LRRC36: variants seen among roughly 807,000 people sequenced by gnomAD.
The protein encoded by LRRC36 is leucine rich repeat containing 36, also known as leucine-rich repeat-containing protein 36.
In LRRC36, 62 loss-of-function variants were observed where a neutral mutation model predicts 81.1. The observed-to-expected ratio is 0.76, with a 90% CI of 0.62 to 0.94. The LOEUF (loss-of-function observed/expected upper bound fraction) is 0.94. Among genes scored for constraint, LRRC36 ranks in the 40% least tolerant of loss-of-function variants. The pLI is 0.00. For synonymous variants in LRRC36, 334 were observed against 348.6 expected, an observed-to-expected ratio of 0.96 and a Z score of 0.47; for missense variants, 761 against 881.7, an observed-to-expected ratio of 0.86 and a Z score of 1.73.
chr16:67,363,018 A>C (rs2039229168), intron 5 of LRRC36, among the ~76,000 whole-genome samples: 1 of 152,008 alleles, frequency 6.6e-6, no homozygotes, highest in Admixed American at 6.6e-5. Flanking sequence ...CCTAACCTCA[A>C]GTGATCTGCC....
In LRRC36 at chr16:67,371,106, C is replaced by G; in HGVS notation, c.1358C>G (p.Ser453Cys). 6.2e-7 allele frequency: 1 copy of G among 1,614,214 alleles called. No individual in the cohort carries two copies. Among genetic ancestry groups the G allele is most frequent in the South Asian group, 1.1e-5 (1 of 91,082 alleles). The part of the protein sequence containing the change: ...RTTPLRTLLL[S>C]PGTSEHRKIF... Reference sequence around the variant, plus strand: ...ACTCCTCTGCGGACACTGCTGTTGTCTCCTGGGACTTCAGAACACAGAAAG... The same window carrying G: ...ACTCCTCTGCGGACACTGCTGTTGTGTCCTGGGACTTCAGAACACAGAAAG... The change falls in exon 9 of 14, where the codon TCT becomes TGT. Residue 453 changes from serine to cysteine, a missense_variant. This residue lies in a region of LRRC36 where 359 missense variants were observed against 388.4 expected (regional missense o/e 0.92). Transcript: ENST00000329956.
intron 2 of LRRC36, among the ~76,000 whole-genome samples, chr16:67,345,445 G>C (rs976095395): frequency 6.6e-6 from 1 of 152,170 alleles, no homozygotes; most frequent in African/African-American, 2.4e-5. Flanking sequence ...GCAGGTTTCA[G>C]CAGAGGAAGA....
chr16:67,374,402 AT>A (rs563011737), intron 9 of LRRC36, among the ~76,000 whole-genome samples: 3 of 151,970 alleles, frequency 2.0e-5, no homozygotes, highest in Non-Finnish European at 2.9e-5. Context: ...GAAAATTTCT[AT>A]TATTATTTTG....
At chr16:67,340,700 T>C (rs1341592469) in intron 1 of LRRC36, among the ~76,000 whole-genome samples, 1 of 151,160 alleles carries the variant, frequency 6.6e-6, no homozygotes, top group Non-Finnish European at 1.5e-5. Flanking sequence ...ATCTACTTCT[T>C]CTCATATATG....
At chr16:67,340,143 A>G (rs1011285725) in intron 1 of LRRC36, among the ~76,000 whole-genome samples, 9 of 152,074 alleles carry the variant, frequency 5.9e-5, no homozygotes, top group Non-Finnish European at 1.3e-4. Flanking sequence ...ATTCCATCTC[A>G]ATAAATAAAT....
chr16:67,385,162 G>A lies in LRRC36; in HGVS notation c.*73G>A. ...TCACCGCCATTGCCACCAGTATGGTGGTATGTACTCACAAAGATTAAGAAA... is the reference window on the plus strand; with the variant it reads ...TCACCGCCATTGCCACCAGTATGGTAGTATGTACTCACAAAGATTAAGAAA... On this transcript the variant is annotated 3_prime_UTR_variant, in exon 14 of 14. Transcript: ENST00000329956. The A allele has an allele frequency of 9.2e-7, 1 of 1,082,168 alleles. No individual in the cohort carries two copies. The highest frequency in any genetic ancestry group is 1.4e-6 in the Non-Finnish European group (1 of 720,010). The allele number at this position is 1,082,168 out of a possible 1,614,324, so 67.0% of individuals were successfully genotyped here. A position where few individuals can be genotyped will look rare whatever the true frequency, so the allele number is the denominator to read the frequency against.
At chr16:67,363,462 C>T (rs977371833) in intron 5 of LRRC36, 128 bp from the exon 6 acceptor site, 2 of 799,576 alleles carry the variant, frequency 2.5e-6, no homozygotes, top group Admixed American at 2.8e-5. Context: ...TTCATGTGGT[C>T]TCCAAGTGGT....
chr16:67,343,047 A>G (rs1034338833), intron 2 of LRRC36, among the ~76,000 whole-genome samples: 2 of 152,236 alleles, frequency 1.3e-5, no homozygotes, highest in African/African-American at 4.8e-5. Flanking sequence ...TATTTGGCCT[A>G]TCAGTTTCAG....
chr16:67,378,543 A>G lies in LRRC36; in HGVS notation c.1807-46A>G, dbSNP rs759255387. 5.0e-6 allele frequency: 8 copies of G among 1,597,506 alleles called. No individual in the cohort carries two copies. The African/African-American group carries it at 9.4e-5, about 19-fold the overall frequency. On this transcript the variant is annotated intron_variant, in intron 11 of 13. Transcript: ENST00000329956. ...GCGTGAGCCACGGCACCCAGCCTAGAATGTCAGATTCTTAATGTATTTGTA... is the reference window on the plus strand; with the variant it reads ...GCGTGAGCCACGGCACCCAGCCTAGGATGTCAGATTCTTAATGTATTTGTA...
At chr16:67,363,544 G>A in intron 5 of LRRC36, 46 bp from the exon 6 acceptor site, 1 of 1,605,340 alleles carries the variant, frequency 6.2e-7, no homozygotes, top group Non-Finnish European at 8.5e-7. Flanking sequence ...TGCCTTTGAA[G>A]TCTGGTCAGT....
At chr16:67,361,267 A>G (rs961538406) in intron 5 of LRRC36, among the ~76,000 whole-genome samples, 3 of 152,104 alleles carry the variant, frequency 2.0e-5, no homozygotes, top group African/African-American at 7.2e-5. Context: ...CCTGGGCTCA[A>G]GTGATCCACC....
intron 5 of LRRC36, among the ~76,000 whole-genome samples, chr16:67,358,720 T>A (rs1267432106): frequency 6.6e-6 from 1 of 151,842 alleles, no homozygotes; most frequent in African/African-American, 2.4e-5. Flanking sequence ...AAAAAAAATG[T>A]GGGCAGAGAA....
rs564492428 is a variant in LRRC36 at position 67,326,847 on chromosome 16, T to G, written c.-16T>G. 6.3e-6 allele frequency: 9 copies of G among 1,417,932 alleles called. No individual in the cohort carries two copies. Among genetic ancestry groups the G allele is most frequent in the South Asian group, 1.6e-5 (1 of 63,234 alleles). The allele number at this position is 1,417,932 out of a possible 1,614,324, so 87.8% of individuals were successfully genotyped here. On this transcript the variant is annotated 5_prime_UTR_variant, in exon 1 of 14. Transcript: ENST00000329956. ...GGGTGGTCTCGCGGGCGGTGGCAGG[T>G]GAGCGGCGGGCGGGGATGGCGGAGC... is the stretch of plus-strand genomic sequence containing the variant.
At position 67,378,722 on chromosome 16, in the gene LRRC36, GGAAAGCCAT is replaced by G; in HGVS notation, c.1930+13_1930+21del. On this transcript the variant is annotated intron_variant, in intron 12 of 13. Transcript: ENST00000329956. The stretch of plus-strand genomic sequence containing the variant: ...CAGTCACATACTTATGGTAAGTTGA[GGAAAGCCAT>G]GATATATGAGGCCTCTCAAGACAAC... 1 of 1,613,212 alleles carries G rather than the reference GGAAAGCCAT, an allele frequency of 6.2e-7. No individual in the cohort carries two copies. Among genetic ancestry groups the G allele is most frequent in the Non-Finnish European group, 8.5e-7 (1 of 1,179,464 alleles).
chr16:67,375,440 A>G (rs779401278), intron 10 of LRRC36, 28 bp downstream of exon 10: 25 of 1,541,760 alleles, frequency 1.6e-5, no homozygotes, highest in Middle Eastern at 1.7e-4. Flanking sequence ...CTGTCCTTGG[A>G]CAGGAGTTGG....
chr16:67,333,672 C>A (rs1257402523), intron 1 of LRRC36, among the ~76,000 whole-genome samples: 1 of 152,078 alleles, frequency 6.6e-6, no homozygotes, highest in East Asian at 1.9e-4. Context: ...TGTCTGGCTT[C>A]TTTGACTTAG....
At chr16:67,369,032 T>A (rs72798031) in intron 8 of LRRC36, among the ~76,000 whole-genome samples, 1 of 152,312 alleles carries the variant, frequency 6.6e-6, no homozygotes, top group Non-Finnish European at 1.5e-5. Context: ...AAGTTTCAGG[T>A]GCCTTATTAA....
chr16:67,354,258 G>C (rs2142051236), intron 5 of LRRC36, among the ~76,000 whole-genome samples: 1 of 151,848 alleles, frequency 6.6e-6, no homozygotes, highest in East Asian at 1.9e-4. Flanking sequence ...CCAGACCAAA[G>C]CCCATCCATT....
At chr16:67,341,375 C>A (rs1378675938) in intron 1 of LRRC36, among the ~76,000 whole-genome samples, 3 of 149,462 alleles carry the variant, frequency 2.0e-5, no homozygotes, top group Admixed American at 6.7e-5. Flanking sequence ...TCTTGTAACA[C>A]CTTATGAATT....
Sources: allele counts gnomAD v4.1 joint callset (sites outside exome capture counted in the v4.1 genomes callset), GRCh38; gene constraint gnomAD v4.1.1; regional missense constraint gnomAD v4.1.1; transcripts MANE v1.5; gene names NCBI Gene and HGNC (gene_info 2026-07-23, HGNC 2026-07-21).